Variants in LGSN observed in about 807,000 individuals in gnomAD.
LGSN encodes the protein lengsin.
Under a neutral mutation model 19.5 loss-of-function variants are expected in LGSN, and 21 were observed. The observed-to-expected ratio is 1.07, with a 90% confidence interval of 0.76 to 1.55. LGSN has a LOEUF of 1.55. Among genes scored for constraint, LGSN ranks in the 40% most tolerant of loss-of-function variants. The pLI is 0.00. For missense variants in LGSN, 673 were observed against 608.5 expected, an observed-to-expected ratio of 1.11 and a Z score of -1.12; for synonymous variants, 257 against 215.6, an observed-to-expected ratio of 1.19 and a Z score of -1.68.
chr6:63,341,712 A>G, the LGSN span, among the ~76,000 whole-genome samples: 1 of 152,136 alleles, frequency 6.6e-6, no homozygotes, highest in Admixed American at 6.5e-5. Flanking sequence ...TGAGAATGTC[A>G]GTGGGGGCTA....
chr6:63,289,626 TAA>T (rs5876852), intron 2 of LGSN, among the ~76,000 whole-genome samples: 1,495 of 146,040 alleles, frequency 0.01, 12 homozygotes, highest in Non-Finnish European at 0.015. Context: ...AAGAAAATAT[TAA>T]AAAAAAAAAA....
At chr6:63,525,079 T>C in the LGSN span, among the ~76,000 whole-genome samples, 1 of 152,240 alleles carries the variant, frequency 6.6e-6, no homozygotes, top group East Asian at 1.9e-4. Context: ...AAAGGGTGTT[T>C]AGAAGATGTC....
the LGSN span, among the ~76,000 whole-genome samples, chr6:63,406,267 G>A: frequency 1.3e-5 from 2 of 151,858 alleles, no homozygotes; most frequent in East Asian, 1.9e-4. Flanking sequence ...AAGTGACCAC[G>A]TAGTTGGAAG....
At chr6:63,416,243 A>C in the LGSN span, among the ~76,000 whole-genome samples, 1 of 152,162 alleles carries the variant, frequency 6.6e-6, no homozygotes, top group African/African-American at 2.4e-5. Flanking sequence ...AAGACAAAGA[A>C]TCTTCTGCCA....
the LGSN span, among the ~76,000 whole-genome samples, chr6:63,425,372 A>G: frequency 6.6e-6 from 1 of 152,198 alleles, no homozygotes; most frequent in Non-Finnish European, 1.5e-5. Context: ...CAATCCAGCT[A>G]CCTTTCACTG....
the LGSN span, among the ~76,000 whole-genome samples, chr6:63,420,229 C>T: frequency 6.6e-6 from 1 of 151,270 alleles, no homozygotes; most frequent in African/African-American, 2.4e-5. Flanking sequence ...GTACTTTGTA[C>T]TTTTTCACTC....
the LGSN span, among the ~76,000 whole-genome samples, chr6:63,346,168 C>T: frequency 6.6e-6 from 1 of 151,484 alleles, no homozygotes; most frequent in Admixed American, 6.6e-5. Context: ...ACAGAGCTCC[C>T]AATCCCTTGA....
At chr6:63,404,377 CA>C in the LGSN span, among the ~76,000 whole-genome samples, 1 of 151,492 alleles carries the variant, frequency 6.6e-6, no homozygotes, top group Non-Finnish European at 1.5e-5. Context: ...TGGAATCTAC[CA>C]AAAAAAATCC....
the LGSN span, among the ~76,000 whole-genome samples, chr6:63,394,315 T>C: frequency 6.6e-6 from 1 of 152,108 alleles, no homozygotes; most frequent in Non-Finnish European, 1.5e-5. Flanking sequence ...AAGAAGCTGG[T>C]CAAAACCCAC....
chr6:63,326,046 G>A, the LGSN span, among the ~76,000 whole-genome samples: 3 of 152,128 alleles, frequency 2.0e-5, no homozygotes, highest in South Asian at 2.1e-4. Flanking sequence ...CCCTGAGCTC[G>A]ACACAAAGGT....
chr6:63,327,765 TCTC>T, the LGSN span, among the ~76,000 whole-genome samples: 2 of 152,218 alleles, frequency 1.3e-5, no homozygotes, highest in Non-Finnish European at 2.9e-5. Context: ...CTCTTCAACT[TCTC>T]CTTTATCTTT....
the LGSN span, among the ~76,000 whole-genome samples, chr6:63,342,799 C>G: frequency 2.0e-5 from 3 of 152,218 alleles, no homozygotes; most frequent in East Asian, 5.8e-4. Context: ...TAACACAAGG[C>G]TTTCAAATTC....
the LGSN span, among the ~76,000 whole-genome samples, chr6:63,499,231 G>A: frequency 5.3e-5 from 8 of 152,130 alleles, no homozygotes; most frequent in African/African-American, 1.4e-4. Flanking sequence ...TTACATTAAT[G>A]TGTGGACATA....
intron 1 of LGSN, 49 bp from the exon 2 acceptor site, chr6:63,295,094 A>G: frequency 1.3e-6 from 2 of 1,542,738 alleles, no homozygotes; most frequent in Non-Finnish European, 1.8e-6. Flanking sequence ...TATTCAAACA[A>G]TGATATTTGG....
the LGSN span, among the ~76,000 whole-genome samples, chr6:63,497,943 A>T: frequency 1.8e-5 from 1 of 54,890 alleles, no homozygotes. Flanking sequence ...CTTGAGACAG[A>T]GTTTTGCTCT....
the LGSN span, among the ~76,000 whole-genome samples, chr6:63,455,885 G>A: frequency 6.6e-6 from 1 of 150,548 alleles, no homozygotes. Flanking sequence ...GACCACACTG[G>A]GCAACACAGC....
At chr6:63,453,057 T>C in the LGSN span, among the ~76,000 whole-genome samples, 1 of 152,200 alleles carries the variant, frequency 6.6e-6, no homozygotes, top group African/African-American at 2.4e-5. Context: ...CGTATTTTAT[T>C]AAAAGCATAG....
the LGSN span, among the ~76,000 whole-genome samples, chr6:63,382,809 C>T: frequency 2.0e-5 from 3 of 152,146 alleles, no homozygotes; most frequent in Non-Finnish European, 4.4e-5. Context: ...TCCTGGCAAA[C>T]CCAAGCTAAG....
At chr6:63,451,270 A>G in the LGSN span, among the ~76,000 whole-genome samples, 1 of 152,236 alleles carries the variant, frequency 6.6e-6, no homozygotes, top group African/African-American at 2.4e-5. Flanking sequence ...TCATTCTATT[A>G]TAAAGACACA....
Sources: gnomAD v4.1 joint callset for allele counts (sites outside exome capture counted in the v4.1 genomes callset) on GRCh38, gnomAD v4.1.1 for gene constraint, MANE v1.5 for transcripts, NCBI Gene and HGNC (gene_info 2026-07-23, HGNC 2026-07-21) for gene names.